CTNNA2: variants seen among roughly 807,000 people sequenced by gnomAD.
CTNNA2 encodes catenin alpha 2.
Under a neutral mutation model 101.0 loss-of-function variants are expected in CTNNA2, and 42 were observed. The observed-to-expected ratio is 0.42, with a 90% CI of 0.32 to 0.54. The LOEUF (loss-of-function observed/expected upper bound fraction) is 0.54. Ranked by LOEUF, CTNNA2 falls within the 20% of genes least tolerant of loss-of-function variation. CTNNA2 has a pLI of 0.14. For missense variants in CTNNA2, 871 were observed against 1,223.1 expected (o/e 0.71, Z 4.29); for synonymous variants, 450 against 456.4 (o/e 0.99, Z 0.18).
rs896441803 is a variant in CTNNA2, at chr2:79,623,218, A to G, written c.-5-28334A>G. Among the ~76,000 whole-genome samples, 16 of 152,090 alleles carry G rather than the reference A, an allele frequency of 1.1e-4. 1 individual carries two copies. Among genetic ancestry groups the G allele is most frequent in the African/African-American group, 3.4e-4 (14 of 41,408 alleles). On this transcript the variant is annotated intron_variant, in intron 1 of 18. Coordinates refer to ENST00000402739, the MANE Select transcript of CTNNA2 (RefSeq NM_001282597.3). ...GTCCTCTATAAAGAGGATGTTTTGA[A>G]CCTTGTATATGTTATTTGCCATTTT... is the stretch of plus-strand genomic sequence containing the variant.
intron 7 of CTNNA2, among the ~76,000 whole-genome samples, chr2:79,910,401 TC>T (rs1685706827): frequency 6.6e-6 from 1 of 152,208 alleles, no homozygotes; most frequent in Non-Finnish European, 1.5e-5. Context: ...ATAATAGCCA[TC>T]CTCTCCTATA....
At chr2:80,101,184 G>A (rs1573080269) in intron 7 of CTNNA2, among the ~76,000 whole-genome samples, 1 of 152,032 alleles carries the variant, frequency 6.6e-6, no homozygotes, top group African/African-American at 2.4e-5. Context: ...CCTACCCTTA[G>A]CATATTAACT....
At chr2:80,393,526 A>G (rs553682566) in intron 8 of CTNNA2, among the ~76,000 whole-genome samples, 1 of 152,330 alleles carries the variant, frequency 6.6e-6, no homozygotes, top group Non-Finnish European at 1.5e-5. Context: ...CCCAGATCCA[A>G]TCTGTCCCAG....
intron 2 of CTNNA2, among the ~76,000 whole-genome samples, chr2:79,296,695 C>T (rs1321780337): frequency 2.0e-5 from 3 of 152,128 alleles, no homozygotes; most frequent in African/African-American, 7.2e-5. Flanking sequence ...GAATCTTTCT[C>T]CACTCTCTGC....
At chr2:79,324,907 A>T (rs933498236) in intron 3 of CTNNA2, among the ~76,000 whole-genome samples, 1 of 152,178 alleles carries the variant, frequency 6.6e-6, no homozygotes, top group African/African-American at 2.4e-5. Context: ...GCAACCTGTG[A>T]CCGCAGTGCC....
At chr2:79,568,534 G>A (rs1479222367) in intron 1 of CTNNA2, among the ~76,000 whole-genome samples, 1 of 151,990 alleles carries the variant, frequency 6.6e-6, no homozygotes, top group Non-Finnish European at 1.5e-5. Flanking sequence ...GGAAGCAGAG[G>A]TTGCAGTGAG....
chr2:80,185,221 C>T (rs140721949), intron 7 of CTNNA2, among the ~76,000 whole-genome samples: 14 of 152,124 alleles, frequency 9.2e-5, no homozygotes, highest in African/African-American at 3.4e-4. Context: ...TGGCTGTTGG[C>T]CAGAAGTCAC....
chr2:79,744,122 C>T (rs6724922), intron 2 of CTNNA2, among the ~76,000 whole-genome samples: 24,297 of 152,010 alleles, frequency 0.16, 2,366 homozygotes, highest in African/African-American at 0.27. Context: ...AGCTTTGACC[C>T]ACTGGCAAGT....
intron 12 of CTNNA2, among the ~76,000 whole-genome samples, chr2:80,562,215 A>C (rs781712092): frequency 6.6e-6 from 1 of 151,340 alleles, no homozygotes; most frequent in Non-Finnish European, 1.5e-5. Context: ...AATATTTCCT[A>C]TACACTGGTG....
intron 1 of CTNNA2, among the ~76,000 whole-genome samples, chr2:79,604,704 G>C (rs189780999): frequency 6.6e-6 from 1 of 152,256 alleles, no homozygotes; most frequent in East Asian, 1.9e-4. Flanking sequence ...ACATACGTTT[G>C]GGTCTAACAA....
chr2:80,599,047 C>T (rs1263753766), intron 15 of CTNNA2, among the ~76,000 whole-genome samples: 1 of 152,088 alleles, frequency 6.6e-6, no homozygotes, highest in Non-Finnish European at 1.5e-5. Flanking sequence ...TATTGTACTG[C>T]AGTCATACAA....
chr2:79,346,586 C>A lies in CTNNA2; in HGVS notation c.-317-27245C>A, dbSNP rs111290036. ...CTCCTTGAAGCCCATTGGAAGAAACCCACATCTGTAGGTCTTCAGCCCAGA... is the reference window on the plus strand; with the variant it reads ...CTCCTTGAAGCCCATTGGAAGAAACACACATCTGTAGGTCTTCAGCCCAGA... On this transcript the variant is annotated intron_variant, in intron 3 of 21. Coordinates refer to the CTNNA2 transcript ENST00000466387. Among the ~76,000 whole-genome samples, 359 of 152,210 alleles carry A rather than the reference C, an allele frequency of 2.4e-3. 1 individual carries two copies. Among genetic ancestry groups the A allele is most frequent in the African/African-American group, 8.2e-3 (341 of 41,534 alleles).
At position 80,022,699 on chromosome 2, in the gene CTNNA2, G is replaced by A. The variant is rs947671738; in HGVS notation, c.1056+112902G>A. Among the ~76,000 whole-genome samples, 6 of 152,282 alleles carry A rather than the reference G, an allele frequency of 3.9e-5. No individual in the cohort carries two copies. The South Asian group carries it at 1.2e-3, about 32-fold the overall frequency. Reference sequence around the variant, plus strand: ...CTAGGTAAGGAAACAACATGACAATGTTGTCTTTCTCATGACAGGCTTTCT... The same window carrying A: ...CTAGGTAAGGAAACAACATGACAATATTGTCTTTCTCATGACAGGCTTTCT... On this transcript the variant is annotated intron_variant, in intron 7 of 18. Coordinates refer to ENST00000402739, the MANE Select transcript of CTNNA2 (RefSeq NM_001282597.3).
intron 2 of CTNNA2, among the ~76,000 whole-genome samples, chr2:79,679,586 T>C (rs561399531): frequency 6.6e-5 from 10 of 152,162 alleles, no homozygotes; most frequent in African/African-American, 2.4e-4. Context: ...TTCCCATCTC[T>C]GTGGTCCTGG....
rs146370203 is a variant in CTNNA2 at position 80,411,336 on chromosome 2, C to A, written c.1138-8113C>A. 4.7e-4 allele frequency among the ~76,000 whole-genome samples: 72 copies of A among 152,080 alleles called. No homozygotes were observed. In the East Asian group the frequency reaches 0.011, roughly 24 times the overall value. ...AAAGTGAGAATCTCATAGTGAGTAT[C>A]GAGCAGGTCTCTTTCTACTCCCAGA... On this transcript the variant is annotated intron_variant, in intron 8 of 18. Transcript: ENST00000402739.
intron 3 of CTNNA2, among the ~76,000 whole-genome samples, chr2:79,810,329 C>T (rs908955932): frequency 4.6e-5 from 7 of 152,076 alleles, no homozygotes; most frequent in East Asian, 3.9e-4. Flanking sequence ...GAAAGAGAAA[C>T]GCCCATAAAA....
At chr2:79,449,733 G>A (rs1558669221) in intron 4 of CTNNA2, among the ~76,000 whole-genome samples, 2 of 151,894 alleles carry the variant, frequency 1.3e-5, no homozygotes, top group South Asian at 2.1e-4. Context: ...TATTCCACAT[G>A]AGCTTTTAGC....
chr2:79,242,706 G>A lies in CTNNA2; in HGVS notation c.-406+44630G>A, dbSNP rs996061903. ...TATTAGGCCAAGCGTGGTGGCTCACGCCTATAATCTCAGCACCGTGGGAGG... is the reference window on the plus strand; with the variant it reads ...TATTAGGCCAAGCGTGGTGGCTCACACCTATAATCTCAGCACCGTGGGAGG... On this transcript the variant is annotated intron_variant, in intron 2 of 21. Transcript: ENST00000466387. Among the ~76,000 whole-genome samples, 20 of 152,048 alleles carry A rather than the reference G, an allele frequency of 1.3e-4. 1 individual carries two copies. The highest frequency in any genetic ancestry group is 4.2e-4 in the South Asian group (2 of 4,816).
At chr2:80,297,781 G>A (rs1675874179) in intron 7 of CTNNA2, among the ~76,000 whole-genome samples, 1 of 152,064 alleles carries the variant, frequency 6.6e-6, no homozygotes, top group African/African-American at 2.4e-5. Context: ...AAGTTCCCCA[G>A]CCTGCAAAGC....
Sources: allele counts gnomAD v4.1 joint callset (sites outside exome capture counted in the v4.1 genomes callset), GRCh38; gene constraint gnomAD v4.1.1; transcripts MANE v1.5; gene names NCBI Gene and HGNC (gene_info 2026-07-23, HGNC 2026-07-21).